Variants in GRHL2 observed in about 807,000 individuals in gnomAD.
The protein encoded by GRHL2 is grainyhead like transcription factor 2.
Under a neutral mutation model 83.8 loss-of-function variants are expected in GRHL2, and 21 were observed. That is an observed-to-expected ratio of 0.25 (90% CI 0.18 to 0.36). The LOEUF is 0.36. Ranked by LOEUF, GRHL2 falls within the 10% of genes least tolerant of loss-of-function variation. The pLI, the probability that GRHL2 is intolerant of heterozygous loss-of-function variation, is 1.00. For synonymous variants in GRHL2, 280 were observed against 278.9 expected (o/e 1.00, Z -0.04); for missense variants, 623 against 781.8 (o/e 0.80, Z 2.42).
chr8:101,587,484 T>C (rs1812191768), intron 7 of GRHL2, among the ~76,000 whole-genome samples: 2 of 152,240 alleles, frequency 1.3e-5, no homozygotes, highest in South Asian at 4.1e-4. Context: ...TACAATGCTA[T>C]ATTTCCTATC....
chr8:101,589,506 T>C (rs1435940362), intron 7 of GRHL2, among the ~76,000 whole-genome samples: 1 of 152,162 alleles, frequency 6.6e-6, no homozygotes, highest in African/African-American at 2.4e-5. Flanking sequence ...TCAGACAGAA[T>C]AAAAAATACT....
rs1814114982 is a variant in GRHL2 at position 101,668,077 on chromosome 8, AG to A, written c.*1377del. The A allele has an allele frequency of 6.6e-6, 1 of 152,526 alleles. No individual in the cohort carries two copies. The highest frequency in any genetic ancestry group is 1.5e-5 in the Non-Finnish European group (1 of 68,160). The allele number at this position is 152,526 out of a possible 1,614,324, so 9.4% of individuals were successfully genotyped here. ...TGGCTCCTGTGAAACCAGCCTCAGG[AG>A]GGAAACTGGGAGAGAGAAGCTGTGG... On this transcript the variant is annotated 3_prime_UTR_variant, in exon 16 of 16. Transcript: ENST00000646743.
chr8:101,548,584 T>A (rs1376906350), intron 2 of GRHL2, among the ~76,000 whole-genome samples: 1 of 151,894 alleles, frequency 6.6e-6, no homozygotes, highest in East Asian at 1.9e-4. Flanking sequence ...AGGCAGAGAG[T>A]ACAGAATAAA....
chr8:101,650,786 T>C (rs1813605886), intron 14 of GRHL2, among the ~76,000 whole-genome samples: 1 of 150,448 alleles, frequency 6.6e-6, no homozygotes, highest in South Asian at 2.1e-4. Context: ...TTTAAGATGG[T>C]TAAAATGGTG....
At chr8:101,495,779 T>C (rs1336314310) in intron 1 of GRHL2, among the ~76,000 whole-genome samples, 1 of 152,164 alleles carries the variant, frequency 6.6e-6, no homozygotes, top group African/African-American at 2.4e-5. Context: ...AAGCAACTCA[T>C]GGACAGACAT....
chr8:101,563,716 T>G (rs1803188745), intron 4 of GRHL2, among the ~76,000 whole-genome samples: 1 of 151,748 alleles, frequency 6.6e-6, no homozygotes, highest in Admixed American at 6.5e-5. Context: ...CTTATTTTTT[T>G]TTTGTTTTTT....
chr8:101,527,038 C>A (rs1373168730), intron 1 of GRHL2, among the ~76,000 whole-genome samples: 2 of 152,146 alleles, frequency 1.3e-5, no homozygotes, highest in Non-Finnish European at 2.9e-5. Flanking sequence ...GAAGCTTGAA[C>A]TTTTGCCCAA....
intron 7 of GRHL2, among the ~76,000 whole-genome samples, chr8:101,586,299 C>T (rs1286972350): frequency 1.3e-5 from 2 of 152,094 alleles, no homozygotes; most frequent in Non-Finnish European, 2.9e-5. Context: ...CTCAATCCAA[C>T]ATAATCTGTC....
chr8:101,657,909 G>C (rs548165583), intron 14 of GRHL2, among the ~76,000 whole-genome samples: 3 of 151,914 alleles, frequency 2.0e-5, no homozygotes, highest in Non-Finnish European at 4.4e-5. Context: ...ACCCTGTTCC[G>C]ACAGAACGAT....
intron 5 of GRHL2, among the ~76,000 whole-genome samples, chr8:101,571,088 C>A (rs1811811511): frequency 1.3e-5 from 2 of 152,140 alleles, no homozygotes; most frequent in South Asian, 4.1e-4. Flanking sequence ...TTGGAGGAGA[C>A]AAATGTGATG....
At chr8:101,678,224 G>A in the GRHL2 span, among the ~76,000 whole-genome samples, 16 of 152,250 alleles carry the variant, frequency 1.1e-4, no homozygotes, top group Admixed American at 3.9e-4. Context: ...CAGTGGGTGC[G>A]CGCACCGTGT....
At chr8:101,648,981 TC>T (rs1813567352) in intron 13 of GRHL2, among the ~76,000 whole-genome samples, 2 of 152,164 alleles carry the variant, frequency 1.3e-5, no homozygotes, top group South Asian at 4.2e-4. Flanking sequence ...GACTGCAAAA[TC>T]CTTAAGGACA....
intron 8 of GRHL2, among the ~76,000 whole-genome samples, chr8:101,601,212 C>CAA (rs1812507888): frequency 1.3e-5 from 2 of 150,148 alleles, no homozygotes; most frequent in East Asian, 2.0e-4. Context: ...ACCACCACCA[C>CAA]CACCAACAAC....
intron 8 of GRHL2, among the ~76,000 whole-genome samples, chr8:101,614,632 T>C (rs541996510): frequency 2.4e-4 from 36 of 152,308 alleles, no homozygotes; most frequent in Admixed American, 5.9e-4. Flanking sequence ...GCCCCTCTAA[T>C]ACATATTTAC....
At chr8:101,664,393 C>T in intron 14 of GRHL2, 61 bp from the exon 15 acceptor site, 1 of 1,235,490 alleles carries the variant, frequency 8.1e-7, no homozygotes, top group Admixed American at 1.7e-5. Context: ...GGAACTTTCC[C>T]CCTTGCCTCC....
chr8:101,561,187 T>C (rs959540184), intron 4 of GRHL2, among the ~76,000 whole-genome samples: 8 of 152,106 alleles, frequency 5.3e-5, no homozygotes, highest in Non-Finnish European at 1.2e-4. Context: ...AATGGTTTTA[T>C]GTGCAAATAA....
chr8:101,589,873 G>A (rs1652305695), intron 7 of GRHL2, among the ~76,000 whole-genome samples: 1 of 152,202 alleles, frequency 6.6e-6, no homozygotes, highest in Admixed American at 6.5e-5. Context: ...TCATCTGGCT[G>A]TGTAGCAGAG....
chr8:101,606,221 C>T (rs923764698), intron 8 of GRHL2, among the ~76,000 whole-genome samples: 1 of 151,748 alleles, frequency 6.6e-6, no homozygotes, highest in African/African-American at 2.4e-5. Context: ...AGCCAATGTT[C>T]CTTTTATAGA....
At chr8:101,553,553 C>T (rs148215230) in intron 3 of GRHL2, among the ~76,000 whole-genome samples, 27 of 151,826 alleles carry the variant, frequency 1.8e-4, no homozygotes, top group Non-Finnish European at 3.1e-4. Flanking sequence ...CAGGATGATC[C>T]AGAAAAAGAG....
Sources: allele counts gnomAD v4.1 joint callset (sites outside exome capture counted in the v4.1 genomes callset), GRCh38; gene constraint gnomAD v4.1.1; transcripts MANE v1.5; gene names NCBI Gene and HGNC (gene_info 2026-07-23, HGNC 2026-07-21).